The following UAP1 variants were observed in gnomAD, a reference collection of about 807,000 sequenced individuals.
UAP1 encodes the protein UDP-N-acetylglucosamine pyrophosphorylase 1.
Under a neutral mutation model 58.5 loss-of-function variants are expected in UAP1, and 25 were observed. The observed-to-expected ratio is 0.43, with a 90% CI of 0.31 to 0.60. The LOEUF (loss-of-function observed/expected upper bound fraction) is 0.60, where lower values mean the gene tolerates loss of function less well. UAP1 is among the 20% of genes least tolerant of loss of function. The probability of loss-of-function intolerance (pLI) is 0.11; values close to 1 mark genes in which losing one functional copy is unlikely to be tolerated. For synonymous variants in UAP1, 208 were observed against 213.0 expected (o/e 0.98, Z 0.21); for missense variants, 575 against 630.0 (o/e 0.91, Z 0.93).
intron 8 of UAP1, among the ~76,000 whole-genome samples, chr1:162,592,251 A>T (rs941952427): frequency 6.6e-6 from 1 of 152,114 alleles, no homozygotes; most frequent in Non-Finnish European, 1.5e-5. Flanking sequence ...TTAGCTGGGC[A>T]TGGTAGCGCA....
chr1:162,599,337 C>A, exon 11 of UAP1: 1 of 1,611,488 alleles, frequency 6.2e-7, no homozygotes. Flanking sequence ...GAATGGAGTT[C>A]ATGAGCTGGT....
intron 2 of UAP1, among the ~76,000 whole-genome samples, chr1:162,567,847 A>G (rs1653609521): frequency 6.6e-6 from 1 of 152,086 alleles, no homozygotes; most frequent in Non-Finnish European, 1.5e-5. Flanking sequence ...CCCAGGCTGG[A>G]GTGCAGTGGT....
In UAP1 at chr1:162,584,017, C is replaced by T. The variant is rs561536905; in HGVS notation, c.834+2558C>T. On this transcript the variant is annotated intron_variant, in intron 5 of 10. Transcript: ENST00000271469. Reference sequence around the variant, plus strand: ...AGAGCCAGGATTAGAGTTCATGTTTCCCAACTTCCTAGTCTTATATTATAT... The same window carrying T: ...AGAGCCAGGATTAGAGTTCATGTTTTCCAACTTCCTAGTCTTATATTATAT... 5.8e-4 allele frequency among the ~76,000 whole-genome samples: 88 copies of T among 152,342 alleles called. 3 individuals are homozygous for T. In the South Asian group the frequency reaches 0.013, roughly 22 times the overall value.
At chr1:162,571,127 T>C (rs1421086447) in intron 2 of UAP1, among the ~76,000 whole-genome samples, 1 of 151,726 alleles carries the variant, frequency 6.6e-6, no homozygotes, top group African/African-American at 2.4e-5. Flanking sequence ...CTGATTTTTT[T>C]GTTTGTTTGT....
chr1:162,585,076 TGGCTAATTTACCATGTTGGCCA>T (rs1443425954), intron 5 of UAP1, among the ~76,000 whole-genome samples: 1 of 151,980 alleles, frequency 6.6e-6, no homozygotes, highest in Non-Finnish European at 1.5e-5. Flanking sequence ...CCACCACACC[TGGCTAATTTACCATGTTGGCCA>T]GGCTGGTCTC....
chr1:162,574,450 A>T (rs75978908), intron 2 of UAP1, among the ~76,000 whole-genome samples: 2 of 152,296 alleles, frequency 1.3e-5, no homozygotes, highest in East Asian at 3.9e-4. Context: ...AGAAAACCCA[A>T]TATGTCAAAA....
At chr1:162,563,492 G>A (rs2101719382) in intron 1 of UAP1, among the ~76,000 whole-genome samples, 1 of 152,270 alleles carries the variant, frequency 6.6e-6, no homozygotes. Context: ...AGCCTCCTGA[G>A]TAGCTGGGAC....
intron 5 of UAP1, among the ~76,000 whole-genome samples, chr1:162,583,679 GA>G (rs1654739790): frequency 6.6e-6 from 1 of 151,914 alleles, no homozygotes; most frequent in African/African-American, 2.4e-5. Context: ...GCCTAGGCTG[GA>G]TTGCAGTGAT....
chr1:162,576,424 G>A (rs146974628), intron 2 of UAP1, among the ~76,000 whole-genome samples: 148 of 152,166 alleles, frequency 9.7e-4, no homozygotes, highest in Middle Eastern at 3.4e-3. Flanking sequence ...ATCGTTCATT[G>A]TTTGGTGTTC....
intron 9 of UAP1, among the ~76,000 whole-genome samples, chr1:162,596,745 T>C (rs1404607720): frequency 6.6e-6 from 1 of 152,156 alleles, no homozygotes; most frequent in Non-Finnish European, 1.5e-5. Flanking sequence ...CTGATTTTTA[T>C]TGACTCCAGC....
At chr1:162,565,674 A>G (rs980827439) in intron 1 of UAP1, among the ~76,000 whole-genome samples, 10 of 152,160 alleles carry the variant, frequency 6.6e-5, no homozygotes, top group African/African-American at 2.4e-4. Flanking sequence ...AGTGTGAACC[A>G]TGTCATCAGG....
At chr1:162,596,798 A>G (rs1274872261) in intron 9 of UAP1, among the ~76,000 whole-genome samples, 2 of 152,230 alleles carry the variant, frequency 1.3e-5, no homozygotes, top group Non-Finnish European at 2.9e-5. Context: ...AGAAAGAGCT[A>G]TGGTTTGACA....
chr1:162,569,088 T>C (rs908801983), intron 2 of UAP1, among the ~76,000 whole-genome samples: 6 of 152,204 alleles, frequency 3.9e-5, no homozygotes, highest in African/African-American at 1.4e-4. Flanking sequence ...ATGTTGACAT[T>C]ATATCCTTTT....
chr1:162,586,810 G>T (rs964813265), intron 5 of UAP1, among the ~76,000 whole-genome samples: 1 of 151,986 alleles, frequency 6.6e-6, no homozygotes, highest in African/African-American at 2.4e-5. Flanking sequence ...CACATCACTG[G>T]TTTTCAGAAT....
In UAP1 at chr1:162,577,435, C is replaced by CTTTTTTTTTTTT. The variant is rs67627704; in HGVS notation, c.485+474_485+485dup. On this transcript the variant is annotated intron_variant, in intron 3 of 10. Transcript: ENST00000271469. ...ACCTTGGTCAGTGTTAGTTCCTTCC[C>CTTTTTTTTTTTT]TTTTTTTTTTTTTTTTTTTTTTTTT... Among the ~76,000 whole-genome samples the CTTTTTTTTTTTT allele has an allele frequency of 2.1e-4, 20 of 95,212 alleles. 1 individual carries two copies. The highest frequency in any genetic ancestry group is 9.5e-4 in the African/African-American group (20 of 20,968). The allele number at this position is 95,212 out of a possible 152,430, so 62.5% of individuals were successfully genotyped here.
downstream of UAP1, among the ~76,000 whole-genome samples, chr1:162,600,641 G>T (rs1203047281): frequency 6.6e-6 from 1 of 151,064 alleles, no homozygotes; most frequent in African/African-American, 2.4e-5. Flanking sequence ...TTTGTTTAAG[G>T]ATCACTTTTT....
At chr1:162,566,263 G>A (rs1571050842) in exon 2 of UAP1, 4 of 1,614,152 alleles carry the variant, frequency 2.5e-6, no homozygotes, top group Non-Finnish European at 3.4e-6. Flanking sequence ...AAAAGAATGT[G>A]GATGCACGAA....
At chr1:162,579,340 T>G in intron 3 of UAP1, 88 bp from the exon 4 acceptor site, 1 of 985,606 alleles carries the variant, frequency 1.0e-6, no homozygotes, top group East Asian at 2.8e-5. Context: ...CTTTCAAAGA[T>G]ATCTTTAGCT....
chr1:162,599,243 T>C (rs767027947), intron 10 of UAP1, 28 bp from the exon 11 acceptor site: 5 of 1,531,608 alleles, frequency 3.3e-6, no homozygotes, highest in Non-Finnish European at 4.5e-6. Context: ...AATTTTCTAA[T>C]TGTGTTTCAT....
Sources: allele counts gnomAD v4.1 joint callset (sites outside exome capture counted in the v4.1 genomes callset), GRCh38; gene constraint gnomAD v4.1.1; transcripts MANE v1.5; gene names NCBI Gene and HGNC (gene_info 2026-07-23, HGNC 2026-07-21).